The following KIF11 variants were observed in gnomAD, a reference collection of about 807,000 sequenced individuals.
The protein encoded by KIF11 is kinesin family member 11.
KIF11 carries 9 observed loss-of-function variants against 121.0 expected under a neutral mutation model. The ratio of observed to expected loss-of-function variants is 0.07; its 90% CI spans 0.04 to 0.13. The LOEUF is 0.13. Ranked by LOEUF, KIF11 falls within the 10% of genes least tolerant of loss-of-function variation. The pLI is 1.00. For synonymous variants in KIF11, 408 were observed against 421.0 expected, an observed-to-expected ratio of 0.97 and a Z score of 0.38; for missense variants, 846 against 1,217.5, an observed-to-expected ratio of 0.69 and a Z score of 4.54.
intron 16 of KIF11, 118 bp from the exon 17 acceptor site, chr10:92,639,676 T>C (rs547704844): frequency 3.5e-5 from 21 of 600,564 alleles, no homozygotes; most frequent in African/African-American, 2.1e-4. Context: ...CTTTATCTCT[T>C]GTCAAGAATT....
chr10:92,625,905 A>G (rs1047834817), intron 10 of KIF11, among the ~76,000 whole-genome samples: 2 of 152,226 alleles, frequency 1.3e-5, no homozygotes, highest in African/African-American at 4.8e-5. Flanking sequence ...GAATTATAAA[A>G]CACTGCTGAA....
chr10:92,599,653 C>T (rs1589586420), intron 1 of KIF11, among the ~76,000 whole-genome samples: 2 of 144,794 alleles, frequency 1.4e-5, no homozygotes, highest in Non-Finnish European at 1.5e-5. Flanking sequence ...TTAGAGTTTT[C>T]TTTTCTTTTT....
At chr10:92,607,317 C>A in intron 4 of KIF11, 80 bp downstream of exon 4, 1 of 772,624 alleles carries the variant, frequency 1.3e-6, no homozygotes, top group Non-Finnish European at 2.2e-6. Context: ...GGGCCTCTGT[C>A]TTGGAATAGA....
intron 10 of KIF11, among the ~76,000 whole-genome samples, chr10:92,622,656 A>C (rs1182952944): frequency 6.6e-6 from 1 of 151,964 alleles, no homozygotes; most frequent in East Asian, 1.9e-4. Context: ...ATAAATAAAA[A>C]ATAATTATAG....
chr10:92,653,339 C>T (rs940093252), intron 21 of KIF11, among the ~76,000 whole-genome samples: 31 of 152,352 alleles, frequency 2.0e-4, no homozygotes, highest in Middle Eastern at 3.4e-3. Flanking sequence ...AAAAAAGTCT[C>T]TCAGCATTGC....
intron 17 of KIF11, among the ~76,000 whole-genome samples, chr10:92,640,614 G>A (rs557904616): frequency 4.6e-5 from 7 of 152,076 alleles, no homozygotes; most frequent in African/African-American, 1.7e-4. Context: ...TGTATTTTTA[G>A]TAGAGAGGGG....
intron 11 of KIF11, 70 bp downstream of exon 11, chr10:92,628,965 A>C: frequency 1.1e-6 from 1 of 877,352 alleles, no homozygotes; most frequent in Non-Finnish European, 1.8e-6. Flanking sequence ...AGAATGAAAG[A>C]TCTAATATTT....
chr10:92,653,513 A>G, intron 21 of KIF11, 152 bp from the exon 22 acceptor site: 1 of 594,568 alleles, frequency 1.7e-6, no homozygotes, highest in Non-Finnish European at 2.9e-6. Context: ...CTACTTGCCA[A>G]ATTGTTGGCT....
In KIF11 at chr10:92,613,752, G is replaced by A; in HGVS notation, c.1032+133G>A. The A allele has an allele frequency of 1.2e-6, 1 of 819,230 alleles. No homozygotes were observed. Among genetic ancestry groups the A allele is most frequent in the Non-Finnish European group, 1.9e-6 (1 of 539,196 alleles). The allele number at this position is 819,230 out of a possible 1,614,324, so 50.7% of individuals were successfully genotyped here. A position where few individuals can be genotyped will look rare whatever the true frequency, so the allele number is the denominator to read the frequency against. On this transcript the variant is annotated intron_variant, in intron 8 of 21. Transcript: ENST00000260731. This position sits in a 1 kb window ranked among gnomAD's most constrained non-coding sequence, Gnocchi z 4.2. ...TAAACCCAGCACTTTGGAAGTCCAAGGTGGGCGGATCACTTGAGCTTAGGA... is the reference window on the plus strand; with the variant it reads ...TAAACCCAGCACTTTGGAAGTCCAAAGTGGGCGGATCACTTGAGCTTAGGA...
chr10:92,599,949 C>CT lies in KIF11; in HGVS notation c.78-6302dup, dbSNP rs1174140289. Among the ~76,000 whole-genome samples, 292 of 129,008 alleles carry CT rather than the reference C, an allele frequency of 2.3e-3. 1 individual carries two copies. The highest frequency in any genetic ancestry group is 9.1e-3 in the Middle Eastern group (2 of 220). 84.6% of individuals were successfully genotyped at this position (129,008 alleles called of 152,430 possible). On this transcript the variant is annotated intron_variant, in intron 1 of 21. Coordinates refer to ENST00000260731, the MANE Select transcript of KIF11 (RefSeq NM_004523.4). ...TACAGCCGTGAGCCACTGTGCCTGG[C>CT]TTTTTTTTTTTTTTAATTAACTATT...
chr10:92,609,024 C>A lies in KIF11; in HGVS notation c.392C>A (p.Pro131His). The A allele has an allele frequency of 6.5e-7, 1 of 1,530,418 alleles. No homozygotes were observed. Among genetic ancestry groups the A allele is most frequent in the Non-Finnish European group, 8.8e-7 (1 of 1,136,892 alleles). The allele number at this position is 1,530,418 out of a possible 1,614,324, so 94.8% of individuals were successfully genotyped here. A position where few individuals can be genotyped will look rare whatever the true frequency, so the allele number is the denominator to read the frequency against. ...TAGTCCTTATTATAATTTCAGGATC[C>A]CTTGGCTGGTATAATTCCACGTACC... Reference protein sequence around the residue: ...PNEEYTWEEDPLAGIIPRTLH... With the variant: ...PNEEYTWEEDHLAGIIPRTLH... The change falls in exon 5 of 22, where the codon CCC becomes CAC. Residue 131 changes from proline to histidine, a missense_variant. This residue lies in a region of KIF11 where 140 missense variants were observed against 193.5 expected (regional missense o/e 0.72). Coordinates refer to ENST00000260731, the MANE Select transcript of KIF11 (RefSeq NM_004523.4).
chr10:92,606,413 A>G lies in KIF11; in HGVS notation c.210+16A>G, dbSNP rs375962985. The stretch of plus-strand genomic sequence containing the variant: ...TTTTGATATGGTAACATATGGTGCA[A>G]TTTCTTTATTATCCACTAATGTAAA... On this transcript the variant is annotated intron_variant, in intron 2 of 21. Coordinates refer to ENST00000260731, the MANE Select transcript of KIF11 (RefSeq NM_004523.4). 3.8e-6 allele frequency: 6 copies of G among 1,573,114 alleles called. No individual in the cohort carries two copies. In the African/African-American group the frequency reaches 8.2e-5, roughly 22 times the overall value.
Position 92,621,387 on chromosome 10 carries a change from G to C in KIF11, c.1131G>C (p.Glu377Asp). ...QKLTKKALIK[E>D]YTEEIERLKR... The stretch of plus-strand genomic sequence containing the variant: ...CCTACAACATTCCTCTTGTGTAGGA[G>C]TATACGGAGGAGATAGAACGTTTAA... Residue 377 changes from glutamate (E) to aspartate (D), a missense_variant and splice_region_variant, in exon 10 of 22, where the codon GAG (glutamate) becomes GAC (aspartate). Glu to Asp is a conservative substitution (Grantham distance 45). This residue lies in a region of KIF11 where 116 missense variants were observed against 285.3 expected (regional missense o/e 0.41). Coordinates refer to ENST00000260731, the MANE Select transcript of KIF11 (RefSeq NM_004523.4). 1 of 1,601,034 alleles carries C rather than the reference G, an allele frequency of 6.2e-7. No homozygotes were observed.
chr10:92,627,008 C>T (rs1343243158), intron 10 of KIF11, among the ~76,000 whole-genome samples: 3 of 152,140 alleles, frequency 2.0e-5, no homozygotes, highest in African/African-American at 4.8e-5. Context: ...GTGATCTTCC[C>T]GCCTCGGCCT....
Position 92,653,863 on chromosome 10 carries a change from T to G in KIF11, c.*67T>G. On this transcript the variant is annotated 3_prime_UTR_variant, in exon 22 of 22. Coordinates refer to ENST00000260731, the MANE Select transcript of KIF11 (RefSeq NM_004523.4). The stretch of plus-strand genomic sequence containing the variant: ...AAAATAAAACCTGAAACCCCAGAAC[T>G]TGAGCCTTGTGTATAGATTTTAAAA... The G allele has an allele frequency of 1.4e-6, 2 of 1,403,072 alleles. No individual in the cohort carries two copies. The highest frequency in any genetic ancestry group is 2.0e-6 in the Non-Finnish European group (2 of 1,012,056). 86.9% of individuals were successfully genotyped at this position (1,403,072 alleles called of 1,614,324 possible).
intron 17 of KIF11, among the ~76,000 whole-genome samples, chr10:92,640,897 C>T (rs1485917716): frequency 2.6e-5 from 4 of 152,130 alleles, no homozygotes; most frequent in Non-Finnish European, 5.9e-5. Flanking sequence ...CAGGCACATA[C>T]CACCATGCCT....
chr10:92,597,231 A>G, intron 1 of KIF11: 1 of 243,870 alleles, frequency 4.1e-6, no homozygotes, highest in Non-Finnish European at 8.5e-6. Context: ...AGCTGCTCCA[A>G]CACCTTGGCT....
intron 6 of KIF11, among the ~76,000 whole-genome samples, chr10:92,612,050 G>T (rs1844502921): frequency 6.6e-6 from 1 of 151,638 alleles, no homozygotes; most frequent in South Asian, 2.1e-4. Flanking sequence ...GAATGTCTTT[G>T]GTCATCTGTA....
chr10:92,637,668 T>C lies in KIF11; in HGVS notation c.2160+123T>C, dbSNP rs568414087. On this transcript the variant is annotated intron_variant, in intron 16 of 21. Transcript: ENST00000260731. The stretch of plus-strand genomic sequence containing the variant: ...TAAAAGCTGAAACCTGAAAATACCA[T>C]AGCCACTGTTGCTTATAACAGTAAT... 228 of 867,676 alleles carry C rather than the reference T, an allele frequency of 2.6e-4. 1 individual carries two copies. The highest frequency in any genetic ancestry group is 3.8e-4 in the Non-Finnish European group (216 of 568,780). The allele number at this position is 867,676 out of a possible 1,614,324, so 53.7% of individuals were successfully genotyped here. A position where few individuals can be genotyped will look rare whatever the true frequency, so the allele number is the denominator to read the frequency against.
Sources: gnomAD v4.1 joint callset for allele counts (sites outside exome capture counted in the v4.1 genomes callset) on GRCh38, gnomAD v4.1.1 for gene constraint, gnomAD v4.1.1 regional missense constraint, Gnocchi (gnomAD v3.1) non-coding constraint, MANE v1.5 for transcripts, NCBI Gene and HGNC (gene_info 2026-07-23, HGNC 2026-07-21) for gene names.